TNFRSF10C: variants seen among roughly 807,000 people sequenced by gnomAD.
TNFRSF10C encodes TNF receptor superfamily member 10c.
TNFRSF10C carries 17 observed loss-of-function variants against 16.7 expected under a neutral mutation model. The observed-to-expected ratio is 1.02, with a 90% CI of 0.70 to 1.53. The LOEUF is 1.53. Ranked by LOEUF, TNFRSF10C falls within the 40% of genes most tolerant of loss-of-function variation. The pLI, the probability that TNFRSF10C is intolerant of heterozygous loss-of-function variation, is 0.00. For synonymous variants in TNFRSF10C, 73 were observed against 119.7 expected, an observed-to-expected ratio of 0.61 and a Z score of 2.55; for missense variants, 237 against 329.7, an observed-to-expected ratio of 0.72 and a Z score of 2.18.
In TNFRSF10C at chr8:23,103,293, A is replaced by G. The variant is rs2128829314; in HGVS notation, c.60+112A>G. 4.6e-6 allele frequency: 7 copies of G among 1,524,972 alleles called. No homozygotes were observed. The East Asian group carries it at 1.5e-4, about 32-fold the overall frequency. The allele number at this position is 1,524,972 out of a possible 1,614,324, so 94.5% of individuals were successfully genotyped here. On this transcript the variant is annotated intron_variant, in intron 1 of 4. Coordinates refer to ENST00000356864, the MANE Select transcript of TNFRSF10C (RefSeq NM_003841.5). ...TGGCCCTGGTCACCTGCGGCCGGGC[A>G]TGTCCGGGCAGGACGAACTCGCCGT...
At chr8:23,115,413 A>T in intron 3 of TNFRSF10C, 95 bp from the exon 4 acceptor site, 1 of 1,038,388 alleles carries the variant, frequency 9.6e-7, no homozygotes, top group Non-Finnish European at 1.4e-6. Flanking sequence ...TCCTTGGTGA[A>T]CTTGGTTGAG....
At position 23,102,974 on chromosome 8, in the gene TNFRSF10C, T is replaced by C. The variant is rs1383516722; in HGVS notation, c.-148T>C. The C allele has an allele frequency of 2.0e-6, 3 of 1,524,806 alleles. No homozygotes were observed. Among genetic ancestry groups the C allele is most frequent in the Non-Finnish European group, 2.7e-6 (3 of 1,129,602 alleles). The allele number at this position is 1,524,806 out of a possible 1,614,324, so 94.5% of individuals were successfully genotyped here. A position where few individuals can be genotyped will look rare whatever the true frequency, so the allele number is the denominator to read the frequency against. The stretch of plus-strand genomic sequence containing the variant: ...GCGCACGAACTCAGCCAACGATTTC[T>C]GATAGATTTTTGGGAGTTTGACCAG... On this transcript the variant is annotated 5_prime_UTR_variant, in exon 1 of 5. Transcript: ENST00000356864.
chr8:23,109,366 G>A (rs904716951), intron 1 of TNFRSF10C, among the ~76,000 whole-genome samples: 1 of 152,074 alleles, frequency 6.6e-6, no homozygotes, highest in African/African-American at 2.4e-5. Flanking sequence ...GGCCGGGCAC[G>A]GTGGCTCACA....
rs1272237735 is a variant in TNFRSF10C, at chr8:23,103,155, G to A, written c.34G>A (p.Val12Ile). 1 of 1,611,906 alleles carries A rather than the reference G, an allele frequency of 6.2e-7. No individual in the cohort carries two copies. Among genetic ancestry groups the A allele is most frequent in the Non-Finnish European group, 8.5e-7 (1 of 1,179,346 alleles). Residue 12 changes from valine (V) to isoleucine (I), a missense_variant, in exon 1 of 5, where the codon GTC becomes ATC. This residue lies in a region of TNFRSF10C where 212 missense variants were observed against 196.8 expected (regional missense o/e 1.08). Transcript: ENST00000356864. ...GATCCCCAAGACCCTAAAGTTCGTC[G>A]TCGTCATCGTCGCGGTCCTGCTGCC... ...ARIPKTLKFVVVIVAVLLPVL... is the reference protein window; with the variant it reads ...ARIPKTLKFVIVIVAVLLPVL...
Position 23,117,034 on chromosome 8 carries a change from G to T in TNFRSF10C, c.*3G>T. 1 of 1,612,718 alleles carries T rather than the reference G, an allele frequency of 6.2e-7. No homozygotes were observed. The highest frequency in any genetic ancestry group is 8.5e-7 in the Non-Finnish European group (1 of 1,179,098). ...TGCTTCTGATTGTGTTTGTTTGAAA[G>T]ACTTCACTGTGGAAGAAATTCCTTC... On this transcript the variant is annotated 3_prime_UTR_variant, in exon 5 of 5. Transcript: ENST00000356864.
Position 23,105,189 on chromosome 8 carries a change from C to G in TNFRSF10C, c.60+2008C>G, listed in dbSNP as rs530243846. ...AATGGCTGGGCCCTGCCGTGCTCCC[C>G]CTCTGGCTCTGTGACTCTGGTGTGG... is the stretch of plus-strand genomic sequence containing the variant. On this transcript the variant is annotated intron_variant, in intron 1 of 4. Transcript: ENST00000356864. 7.2e-5 allele frequency among the ~76,000 whole-genome samples: 11 copies of G among 152,314 alleles called. No individual in the cohort carries two copies. The East Asian group carries it at 1.5e-3, about 21-fold the overall frequency.
rs1466016211 is a variant in TNFRSF10C, at chr8:23,117,096, C to T, written c.*65C>T. On this transcript the variant is annotated 3_prime_UTR_variant, in exon 5 of 5. Transcript: ENST00000356864. ...GGTTCAGGTAGGCGCTGGCTGAGGGCGGGGGGCGCTGGACACTCTCTGCCC... is the reference window on the plus strand; with the variant it reads ...GGTTCAGGTAGGCGCTGGCTGAGGGTGGGGGGCGCTGGACACTCTCTGCCC... 66 of 1,573,806 alleles carry T rather than the reference C, an allele frequency of 4.2e-5. 1 individual carries two copies. The South Asian group carries it at 6.0e-4, about 14-fold the overall frequency.
At chr8:23,107,693 G>T (rs2128830243) in intron 1 of TNFRSF10C, among the ~76,000 whole-genome samples, 1 of 152,294 alleles carries the variant, frequency 6.6e-6, no homozygotes, top group African/African-American at 2.4e-5. Context: ...AAAAAAATTA[G>T]ACTAGACAAT....
At chr8:23,103,423 G>A (rs1207561538) in intron 1 of TNFRSF10C, 1 of 663,210 alleles carries the variant, frequency 1.5e-6, no homozygotes, top group South Asian at 1.9e-5. Flanking sequence ...CGAAGGGAGG[G>A]AAGTTCCAGA....
intron 4 of TNFRSF10C, 37 bp from the exon 5 acceptor site, chr8:23,116,604 C>A (rs1241996552): frequency 6.3e-7 from 1 of 1,594,284 alleles, no homozygotes; most frequent in East Asian, 2.2e-5. Flanking sequence ...CTAGCTTTCC[C>A]TCAGGAGTCC....
intron 1 of TNFRSF10C, 152 bp downstream of exon 1, chr8:23,103,333 G>T: frequency 5.8e-6 from 8 of 1,390,882 alleles, no homozygotes; most frequent in Non-Finnish European, 6.9e-6. Flanking sequence ...GTCAGGGGAA[G>T]AACTGGGTCC....
chr8:23,112,314 C>A (rs181112688), intron 2 of TNFRSF10C, among the ~76,000 whole-genome samples: 20 of 152,272 alleles, frequency 1.3e-4, no homozygotes, highest in Non-Finnish European at 2.1e-4. Context: ...TGAGTATATG[C>A]AGAGTTTGTT....
chr8:23,111,074 C>A (rs888004727), intron 1 of TNFRSF10C, among the ~76,000 whole-genome samples: 5 of 152,078 alleles, frequency 3.3e-5, no homozygotes, highest in African/African-American at 4.8e-5. Context: ...CTGTGAATAG[C>A]CACTGCATTC....
intron 1 of TNFRSF10C, among the ~76,000 whole-genome samples, chr8:23,109,898 T>G (rs1046010521): frequency 6.6e-6 from 1 of 151,670 alleles, no homozygotes; most frequent in Admixed American, 6.6e-5. Context: ...ACCCCAGCTC[T>G]ACAAAATATG....
intron 2 of TNFRSF10C, among the ~76,000 whole-genome samples, chr8:23,112,537 T>C (rs757335108): frequency 6.6e-6 from 1 of 152,254 alleles, no homozygotes; most frequent in Non-Finnish European, 1.5e-5. Context: ...GACCAACTTT[T>C]TCTGATTCCA....
rs1292225731 is a variant in TNFRSF10C at position 23,116,586 on chromosome 8, C to T, written c.390-55C>T. On this transcript the variant is annotated intron_variant, in intron 4 of 4. Transcript: ENST00000356864. Reference sequence around the variant, plus strand: ...GAGGGAGGGTGGCTCCCCTTTTATCCCACCTGGCTAGCTTTCCCTCAGGAG... The same window carrying T: ...GAGGGAGGGTGGCTCCCCTTTTATCTCACCTGGCTAGCTTTCCCTCAGGAG... 74 of 1,570,016 alleles carry T rather than the reference C, an allele frequency of 4.7e-5. No individual in the cohort carries two copies. The East Asian group carries it at 1.6e-3, about 34-fold the overall frequency.
At chr8:23,106,653 C>A (rs1585245780) in intron 1 of TNFRSF10C, among the ~76,000 whole-genome samples, 1 of 152,162 alleles carries the variant, frequency 6.6e-6, no homozygotes, top group African/African-American at 2.4e-5. Flanking sequence ...ACATGGTCTG[C>A]ACAGTACCCT....
At chr8:23,115,106 C>A (rs1397376473) in intron 3 of TNFRSF10C, among the ~76,000 whole-genome samples, 1 of 152,086 alleles carries the variant, frequency 6.6e-6, no homozygotes, top group African/African-American at 2.4e-5. Flanking sequence ...GTGCTCCTGG[C>A]AGGTGCTCGG....
At chr8:23,116,563 G>T in intron 4 of TNFRSF10C, 78 bp from the exon 5 acceptor site, 1 of 1,539,260 alleles carries the variant, frequency 6.5e-7, no homozygotes, top group Non-Finnish European at 8.8e-7. Context: ...ACATTGGAGA[G>T]GGAGGGTGGC....
Sources: gnomAD v4.1 joint callset for allele counts (sites outside exome capture counted in the v4.1 genomes callset) on GRCh38, gnomAD v4.1.1 for gene constraint, gnomAD v4.1.1 regional missense constraint, MANE v1.5 for transcripts, NCBI Gene and HGNC (gene_info 2026-07-23, HGNC 2026-07-21) for gene names.